The following RB1 variants were observed in gnomAD, a reference collection of about 807,000 sequenced individuals.
RB1 encodes RB transcriptional corepressor 1, also known as retinoblastoma-associated protein.
A neutral mutation model predicts 135.4 loss-of-function variants in RB1; 18 were observed. The observed-to-expected ratio is 0.13, with a 90% confidence interval of 0.09 to 0.20. The LOEUF (loss-of-function observed/expected upper bound fraction) is 0.20. Among genes scored for constraint, RB1 ranks in the 10% least tolerant of loss-of-function variants. RB1 has a pLI of 1.00. For missense variants in RB1, 868 were observed against 1,110.0 expected (o/e 0.78, Z 3.10); for synonymous variants, 365 against 373.2 (o/e 0.98, Z 0.25).
chr13:48,310,991 A>G (rs1952125201), intron 2 of RB1, among the ~76,000 whole-genome samples: 1 of 152,184 alleles, frequency 6.6e-6, no homozygotes, highest in African/African-American at 2.4e-5. Flanking sequence ...TTGTGACTTA[A>G]GGTGAATCAG....
chr13:48,317,026 A>G, intron 2 of RB1: 1 of 604,344 alleles, frequency 1.7e-6, no homozygotes, highest in Non-Finnish European at 2.7e-6. Context: ...TCCGAGCCCG[A>G]GTTCCTCCTG....
Position 48,464,982 on chromosome 13 carries a change from T to TTTTTTTTTTTTTC in RB1, c.2212-16_2212-15insTTTTTTTTTTTTC. 1 of 1,345,334 alleles carries TTTTTTTTTTTTTC rather than the reference T, an allele frequency of 7.4e-7. No individual in the cohort carries two copies. The highest frequency in any genetic ancestry group is 2.7e-4 in the Middle Eastern group (1 of 3,704). The allele number at this position is 1,345,334 out of a possible 1,614,324, so 83.3% of individuals were successfully genotyped here. A position where few individuals can be genotyped will look rare whatever the true frequency, so the allele number is the denominator to read the frequency against. On this transcript the variant is annotated splice_polypyrimidine_tract_variant and intron_variant, in intron 21 of 26. Coordinates refer to ENST00000267163, the MANE Select transcript of RB1 (RefSeq NM_000321.3). ...ACTTTTTTTTTTTTTTTTTTTTTTT[T>TTTTTTTTTTTTTC]ACTGTTCTTCCTCAGACATTCAAAC...
rs148116313 is a variant in RB1, at chr13:48,340,589, G to GAGA, written c.265-2009_265-2008insGAA. Among the ~76,000 whole-genome samples, 16 of 149,232 alleles carry GAGA rather than the reference G, an allele frequency of 1.1e-4. No homozygotes were observed. The East Asian group carries it at 1.8e-3, about 16-fold the overall frequency. On this transcript the variant is annotated intron_variant, in intron 2 of 26. Coordinates refer to ENST00000267163, the MANE Select transcript of RB1 (RefSeq NM_000321.3). ...TTTTAATCTTTAAAAGAGAGAGAGAGAAAAAAAAAGGCTGGAATTGATGAA... is the reference window on the plus strand; with the variant it reads ...TTTTAATCTTTAAAAGAGAGAGAGAGAGAAAAAAAAAAGGCTGGAATTGATGAA...
chr13:48,375,975 A>G (rs1952817771), intron 12 of RB1, among the ~76,000 whole-genome samples: 1 of 151,984 alleles, frequency 6.6e-6, no homozygotes, highest in South Asian at 2.1e-4. Flanking sequence ...GTAGCTGATG[A>G]GAATCATGCT....
At chr13:48,328,777 A>G (rs1952309815) in intron 2 of RB1, among the ~76,000 whole-genome samples, 1 of 152,228 alleles carries the variant, frequency 6.6e-6, no homozygotes. Flanking sequence ...CACCTCTCTC[A>G]TAGGATTCAA....
chr13:48,393,632 A>G (rs1948626983), intron 17 of RB1, among the ~76,000 whole-genome samples: 1 of 152,220 alleles, frequency 6.6e-6, no homozygotes, highest in African/African-American at 2.4e-5. Context: ...TGAAATATGT[A>G]CACTTACAGA....
chr13:48,426,283 A>C (rs189795456), intron 17 of RB1, among the ~76,000 whole-genome samples: 1 of 152,354 alleles, frequency 6.6e-6, no homozygotes, highest in Admixed American at 6.5e-5. Flanking sequence ...AATAAAGGTT[A>C]TGTTGTGGGA....
chr13:48,456,392 G>A (rs2138331868), intron 19 of RB1, 43 bp downstream of exon 19: 1 of 1,605,604 alleles, frequency 6.2e-7, no homozygotes. Flanking sequence ...TCTGAAACTA[G>A]GCTGACTGGG....
intron 2 of RB1, among the ~76,000 whole-genome samples, chr13:48,324,598 A>T (rs573577720): frequency 6.6e-6 from 1 of 152,108 alleles, no homozygotes; most frequent in South Asian, 2.1e-4. Context: ...CATTTTCTTT[A>T]TCCATGCATC....
intron 19 of RB1, among the ~76,000 whole-genome samples, chr13:48,458,428 A>G (rs1392540504): frequency 6.6e-6 from 1 of 152,178 alleles, no homozygotes; most frequent in Non-Finnish European, 1.5e-5. Flanking sequence ...TCCTGATTTT[A>G]TTCAAGTAAG....
chr13:48,345,973 C>G (rs1952491095), intron 4 of RB1, among the ~76,000 whole-genome samples: 1 of 151,840 alleles, frequency 6.6e-6, no homozygotes, highest in South Asian at 2.1e-4. Context: ...CTTTTTTGAC[C>G]ACTAAAACTT....
At chr13:48,441,313 G>A (rs1379576411) in intron 17 of RB1, among the ~76,000 whole-genome samples, 1 of 152,120 alleles carries the variant, frequency 6.6e-6, no homozygotes, top group Admixed American at 6.5e-5. Flanking sequence ...ACTAAATTGT[G>A]CCTGAAGACC....
intron 2 of RB1, among the ~76,000 whole-genome samples, chr13:48,330,685 G>A (rs1173093058): frequency 6.6e-6 from 1 of 152,230 alleles, no homozygotes; most frequent in Non-Finnish European, 1.5e-5. Context: ...ATAGAGAAAA[G>A]CCTCAGGACC....
chr13:48,309,557 A>G (rs1191502064), intron 2 of RB1, among the ~76,000 whole-genome samples: 3 of 152,196 alleles, frequency 2.0e-5, no homozygotes, highest in African/African-American at 4.8e-5. Context: ...TACCTCATGT[A>G]CAAAGCTGTT....
intron 2 of RB1, chr13:48,318,288 A>T: frequency 9.1e-7 from 1 of 1,100,778 alleles, no homozygotes; most frequent in Non-Finnish European, 1.3e-6. Flanking sequence ...GAGCCCGCCC[A>T]GCTGCTCCAG....
At chr13:48,373,904 AT>A (rs1433668475) in intron 12 of RB1, among the ~76,000 whole-genome samples, 2 of 152,062 alleles carry the variant, frequency 1.3e-5, no homozygotes, top group Non-Finnish European at 2.9e-5. Context: ...TCGATCTTCA[AT>A]TCCAGGTTGA....
At chr13:48,434,091 C>A (rs1358211733) in intron 17 of RB1, among the ~76,000 whole-genome samples, 1 of 152,082 alleles carries the variant, frequency 6.6e-6, no homozygotes, top group South Asian at 2.1e-4. Context: ...TAAATAATTT[C>A]TCCAATCATA....
At position 48,336,633 on chromosome 13, in the gene RB1, C is replaced by T. The variant is rs984804779; in HGVS notation, c.265-5966C>T. Reference sequence around the variant, plus strand: ...CAATTTTGTTGATCTTTTCAAAAAGCCAGCTCCTGGATTCATTAATTTTTT... The same window carrying T: ...CAATTTTGTTGATCTTTTCAAAAAGTCAGCTCCTGGATTCATTAATTTTTT... On this transcript the variant is annotated intron_variant, in intron 2 of 26. Coordinates refer to ENST00000267163, the MANE Select transcript of RB1 (RefSeq NM_000321.3). Among the ~76,000 whole-genome samples the T allele has an allele frequency of 1.1e-4, 17 of 151,860 alleles. 1 individual carries two copies. Among genetic ancestry groups the T allele is most frequent in the Non-Finnish European group, 2.9e-5 (2 of 67,958 alleles).
chr13:48,416,104 G>C (rs1336424728), intron 17 of RB1, among the ~76,000 whole-genome samples: 1 of 151,948 alleles, frequency 6.6e-6, no homozygotes. Context: ...GGATTTTTTG[G>C]GGGGAGCGAA....
Sources: allele counts gnomAD v4.1 joint callset (sites outside exome capture counted in the v4.1 genomes callset), GRCh38; gene constraint gnomAD v4.1.1; transcripts MANE v1.5; gene names NCBI Gene and HGNC (gene_info 2026-07-23, HGNC 2026-07-21).